The following GPR55 variants were observed in gnomAD, a reference collection of about 807,000 sequenced individuals.
The protein encoded by GPR55 is G protein-coupled receptor 55.
GPR55 carries 6 observed loss-of-function variants against 7.9 expected under a neutral mutation model. The observed-to-expected ratio is 0.76, with a 90% confidence interval of 0.41 to 1.49. The LOEUF (loss-of-function observed/expected upper bound fraction) is 1.49, where lower values mean the gene tolerates loss of function less well. Ranked by LOEUF, GPR55 falls within the 40% of genes most tolerant of loss-of-function variation. The pLI is 0.01. For missense variants in GPR55, 376 were observed against 406.0 expected (o/e 0.93, Z 0.63); for synonymous variants, 183 against 166.8 (o/e 1.10, Z -0.75).
At chr2:230,918,504 T>C (rs1225834239) in intron 1 of GPR55, among the ~76,000 whole-genome samples, 1 of 152,182 alleles carries the variant, frequency 6.6e-6, no homozygotes, top group Non-Finnish European at 1.5e-5. Flanking sequence ...ATTTCAAATT[T>C]TCAAGCAACA....
At chr2:230,916,166 G>T (rs1255677360) in intron 1 of GPR55, among the ~76,000 whole-genome samples, 6 of 152,014 alleles carry the variant, frequency 3.9e-5, no homozygotes, top group Non-Finnish European at 7.4e-5. Context: ...TCGAGCCCAG[G>T]AGTTTGAGAC....
chr2:230,945,111 G>A (rs1691290477), intron 1 of GPR55, among the ~76,000 whole-genome samples: 1 of 152,206 alleles, frequency 6.6e-6, no homozygotes, highest in Non-Finnish European at 1.5e-5. Flanking sequence ...ACAAATTCTG[G>A]TGGTGGACAA....
At position 230,924,194 on chromosome 2, in the gene GPR55, G is replaced by T. The variant is rs780907142; in HGVS notation, c.-135+974C>A. On this transcript the variant is annotated intron_variant, in intron 1 of 1. Transcript: ENST00000650999. The surrounding 1 kb of genome is among the most constrained non-coding windows in gnomAD (Gnocchi z 4.5). ...GGGAAGGTCTTATTGCATGAAAGAG[G>T]GGGTGAAGAAATGACGGAACAAATG... Among the ~76,000 whole-genome samples, 1 of 152,164 alleles carries T rather than the reference G, an allele frequency of 6.6e-6. No individual in the cohort carries two copies. The highest frequency in any genetic ancestry group is 1.5e-5 in the Non-Finnish European group (1 of 68,014).
chr2:230,940,712 A>G (rs1203288225), intron 1 of GPR55, among the ~76,000 whole-genome samples: 1 of 152,008 alleles, frequency 6.6e-6, no homozygotes, highest in Non-Finnish European at 1.5e-5. Flanking sequence ...GGCAGGTCGA[A>G]GAGTATGAAA....
chr2:230,953,709 G>A (rs984082326), intron 1 of GPR55, among the ~76,000 whole-genome samples: 19 of 152,202 alleles, frequency 1.2e-4, no homozygotes, highest in Admixed American at 1.3e-4. Flanking sequence ...CAAGAACCTG[G>A]TAAAACCCTG....
intron 1 of GPR55, among the ~76,000 whole-genome samples, chr2:230,956,762 G>A (rs1322263588): frequency 6.6e-6 from 1 of 152,054 alleles, no homozygotes; most frequent in African/African-American, 2.4e-5. Flanking sequence ...TTTAATCAGG[G>A]TTCATGTGTT....
intron 1 of GPR55, among the ~76,000 whole-genome samples, chr2:230,915,300 G>A (rs1420290470): frequency 6.6e-6 from 1 of 152,204 alleles, no homozygotes; most frequent in East Asian, 1.9e-4. Context: ...TTGATGTTGG[G>A]ATCTGTGTCA....
intron 1 of GPR55, among the ~76,000 whole-genome samples, chr2:230,937,757 T>C (rs1258052677): frequency 6.6e-6 from 1 of 152,128 alleles, no homozygotes; most frequent in Non-Finnish European, 1.5e-5. Context: ...AGTAGAGACC[T>C]CATCTAGAAG....
chr2:230,960,888 G>A (rs1236240452), exon 1 of GPR55: 3 of 152,072 alleles, frequency 2.0e-5, no homozygotes, highest in Non-Finnish European at 2.9e-5. Flanking sequence ...ATAAAGTCCT[G>A]GGGTCCCTGT....
At chr2:230,912,729 C>T (rs202092747) in intron 1 of GPR55, among the ~76,000 whole-genome samples, 8 of 152,338 alleles carry the variant, frequency 5.3e-5, no homozygotes, top group South Asian at 4.1e-4. Flanking sequence ...CGGGAGGCCC[C>T]GCACCTGTTC....
At chr2:230,931,920 T>C (rs1167929159) in intron 1 of GPR55, among the ~76,000 whole-genome samples, 1 of 151,936 alleles carries the variant, frequency 6.6e-6, no homozygotes, top group Non-Finnish European at 1.5e-5. Flanking sequence ...CAAATGGCAG[T>C]CTCAGGGCAC....
At chr2:230,927,967 G>A (rs759251055), upstream of GPR55, among the ~76,000 whole-genome samples, 1 of 152,226 alleles carries the variant, frequency 6.6e-6, no homozygotes. Context: ...CAGAGAGCTG[G>A]TCAGGGAACA....
chr2:230,945,987 A>T (rs1691307031), intron 1 of GPR55, among the ~76,000 whole-genome samples: 1 of 152,240 alleles, frequency 6.6e-6, no homozygotes, highest in Admixed American at 6.5e-5. Flanking sequence ...CCATCAGTGG[A>T]TGAATGGATT....
intron 1 of GPR55, among the ~76,000 whole-genome samples, chr2:230,934,686 T>C (rs79833542): frequency 0.019 from 2,817 of 152,234 alleles, 85 homozygotes; most frequent in African/African-American, 0.063. Context: ...CCCTGTTTGC[T>C]ATCTGGGGTG....
chr2:230,909,984 T>A lies in GPR55; in HGVS notation c.*19A>T, dbSNP rs975021019. 1.2e-6 allele frequency: 2 copies of A among 1,601,912 alleles called. No individual in the cohort carries two copies. The highest frequency in any genetic ancestry group is 2.7e-5 in the African/African-American group (2 of 74,362). On this transcript the variant is annotated 3_prime_UTR_variant, in exon 2 of 2. Transcript: ENST00000650999. ...ATTCAGGGCCAGGGCTTTCTTCCCCTGAACAGGATGTCCTTCCGTTAGCCC... is the reference window on the plus strand; with the variant it reads ...ATTCAGGGCCAGGGCTTTCTTCCCCAGAACAGGATGTCCTTCCGTTAGCCC...
intron 1 of GPR55, among the ~76,000 whole-genome samples, chr2:230,937,037 A>G (rs1305525146): frequency 1.3e-5 from 2 of 152,162 alleles, no homozygotes; most frequent in Non-Finnish European, 2.9e-5. Context: ...AAACTTTAAA[A>G]CACAATAGGC....
intron 1 of GPR55, among the ~76,000 whole-genome samples, chr2:230,943,455 C>G (rs1414171509): frequency 1.3e-5 from 2 of 152,214 alleles, no homozygotes; most frequent in Non-Finnish European, 2.9e-5. Context: ...AATTTCCTGG[C>G]AGGAGCAGCA....
chr2:230,949,288 C>G (rs544531178), intron 1 of GPR55, among the ~76,000 whole-genome samples: 4 of 152,072 alleles, frequency 2.6e-5, no homozygotes, highest in African/African-American at 7.2e-5. Context: ...CTCAGCCTCT[C>G]GAGTAGCTGG....
Position 230,923,674 on chromosome 2 carries a change from G to T in GPR55, c.-135+1494C>A, listed in dbSNP as rs1690889651. Among the ~76,000 whole-genome samples the T allele has an allele frequency of 6.6e-6, 1 of 152,150 alleles. No individual in the cohort carries two copies. Among genetic ancestry groups the T allele is most frequent in the African/African-American group, 2.4e-5 (1 of 41,420 alleles). On this transcript the variant is annotated intron_variant, in intron 1 of 1. Coordinates refer to ENST00000650999, the MANE Select transcript of GPR55 (RefSeq NM_005683.4). The surrounding 1 kb of genome is among the most constrained non-coding windows in gnomAD (Gnocchi z 4.1). ...TGAAAGGTGGCCAGCAGTGTGCTCAGTGATCTACGATGGGAACTCAGGACA... is the reference window on the plus strand; with the variant it reads ...TGAAAGGTGGCCAGCAGTGTGCTCATTGATCTACGATGGGAACTCAGGACA...
Sources: gnomAD v4.1 joint callset for allele counts (sites outside exome capture counted in the v4.1 genomes callset) on GRCh38, gnomAD v4.1.1 for gene constraint, Gnocchi (gnomAD v3.1) non-coding constraint, MANE v1.5 for transcripts, NCBI Gene and HGNC (gene_info 2026-07-23, HGNC 2026-07-21) for gene names.